The following RALGAPA2 variants were observed in gnomAD, a reference collection of about 807,000 sequenced individuals.
The protein encoded by RALGAPA2 is Ral GTPase activating protein catalytic subunit alpha 2, also known as ral GTPase-activating protein subunit alpha-2.
RALGAPA2 carries 139 observed loss-of-function variants against 230.4 expected under a neutral mutation model. The observed-to-expected ratio is 0.60, with a 90% CI of 0.53 to 0.69. RALGAPA2 has a LOEUF of 0.69. RALGAPA2 is among the 30% of genes least tolerant of loss of function. The pLI is 0.00. For synonymous variants in RALGAPA2, 847 were observed against 837.8 expected, an observed-to-expected ratio of 1.01 and a Z score of -0.19; for missense variants, 2,163 against 2,276.0, an observed-to-expected ratio of 0.95 and a Z score of 1.01.
At chr20:20,677,629 ATTTTTTTT>A (rs758379115) in intron 2 of RALGAPA2, among the ~76,000 whole-genome samples, 3 of 64,284 alleles carry the variant, frequency 4.7e-5, no homozygotes, top group African/African-American at 7.3e-5. Flanking sequence ...GATTTGACCC[ATTTTTTTT>A]TTTTTTTTTT....
At chr20:20,578,100 C>T (rs1410373069) in intron 20 of RALGAPA2, among the ~76,000 whole-genome samples, 1 of 152,146 alleles carries the variant, frequency 6.6e-6, no homozygotes, top group Non-Finnish European at 1.5e-5. Context: ...CAACATCCTC[C>T]ATAAAATTAT....
chr20:20,591,056 A>C (rs2065273945), intron 17 of RALGAPA2, 121 bp downstream of exon 17: 1 of 1,186,756 alleles, frequency 8.4e-7, no homozygotes, highest in South Asian at 2.1e-5. Flanking sequence ...AATCAAATTA[A>C]AAAGGTAATT....
intron 3 of RALGAPA2, 24 bp downstream of exon 3, chr20:20,676,212 C>A: frequency 4.2e-6 from 6 of 1,444,244 alleles, no homozygotes; most frequent in African/African-American, 1.4e-5. Flanking sequence ...ATTATAAAAG[C>A]TAAATAAACT....
intron 23 of RALGAPA2, among the ~76,000 whole-genome samples, chr20:20,555,817 T>C (rs2064067971): frequency 6.6e-6 from 1 of 152,240 alleles, no homozygotes; most frequent in African/African-American, 2.4e-5. Context: ...TGTGTATTTC[T>C]TGAGGTTTTC....
intron 16 of RALGAPA2, among the ~76,000 whole-genome samples, chr20:20,593,560 C>A (rs1384480386): frequency 6.6e-6 from 1 of 152,210 alleles, no homozygotes; most frequent in East Asian, 1.9e-4. Context: ...CTTCTGGGAA[C>A]AGTTTATATT....
At chr20:20,568,360 G>A (rs778108552) in intron 23 of RALGAPA2, among the ~76,000 whole-genome samples, 1 of 152,084 alleles carries the variant, frequency 6.6e-6, no homozygotes, top group Non-Finnish European at 1.5e-5. Context: ...AAGTTATTAG[G>A]ATAACCAAAA....
rs2060064822 is a variant in RALGAPA2 at position 20,411,763 on chromosome 20, A to G, written c.5617+264T>C. On this transcript the variant is annotated intron_variant, in intron 38 of 39. Coordinates refer to ENST00000202677, the MANE Select transcript of RALGAPA2 (RefSeq NM_020343.4). ...GCAAGAAACCCACACTCCTGAATGA[A>G]CCGGAGCACATTACTGAGAAAAAGT... Among the ~76,000 whole-genome samples, 3 of 152,240 alleles carry G rather than the reference A, an allele frequency of 2.0e-5. No homozygotes were observed. The South Asian group carries it at 6.2e-4, about 32-fold the overall frequency.
At chr20:20,456,954 C>G (rs1215467995) in intron 37 of RALGAPA2, among the ~76,000 whole-genome samples, 2 of 152,164 alleles carry the variant, frequency 1.3e-5, no homozygotes, top group African/African-American at 4.8e-5. Flanking sequence ...CTGGAACTTG[C>G]AACACCATGT....
At chr20:20,536,627 C>A (rs769616272) in intron 25 of RALGAPA2, 29 bp downstream of exon 25, 1 of 1,604,920 alleles carries the variant, frequency 6.2e-7, no homozygotes, top group South Asian at 1.1e-5. Flanking sequence ...AAGTACTAAA[C>A]TTGAGATACA....
intron 10 of RALGAPA2, among the ~76,000 whole-genome samples, chr20:20,624,962 AC>A (rs2066445603): frequency 6.6e-6 from 1 of 151,404 alleles, no homozygotes; most frequent in Non-Finnish European, 1.5e-5. Context: ...ACTTTTCCAT[AC>A]CTCCCCTTGT....
At chr20:20,526,813 A>T (rs1399049628) in intron 27 of RALGAPA2, among the ~76,000 whole-genome samples, 2 of 152,232 alleles carry the variant, frequency 1.3e-5, no homozygotes, top group Non-Finnish European at 2.9e-5. Context: ...AGAAACAGGG[A>T]TTGATCAAAT....
intron 23 of RALGAPA2, among the ~76,000 whole-genome samples, chr20:20,561,566 C>G (rs968943856): frequency 2.0e-5 from 3 of 152,132 alleles, no homozygotes; most frequent in Non-Finnish European, 4.4e-5. Flanking sequence ...TTTTTTTAGA[C>G]AGAGAATTTA....
intron 36 of RALGAPA2, among the ~76,000 whole-genome samples, chr20:20,478,875 A>G (rs1012285108): frequency 3.9e-5 from 6 of 152,148 alleles, no homozygotes; most frequent in African/African-American, 1.4e-4. Context: ...TGAAAAAAAA[A>G]AGTTCGTTCT....
chr20:20,606,443 A>G (rs1214710362), intron 14 of RALGAPA2, among the ~76,000 whole-genome samples: 1 of 152,198 alleles, frequency 6.6e-6, no homozygotes, highest in Non-Finnish European at 1.5e-5. Flanking sequence ...CAAAGAGCAT[A>G]ATAGTAAAAG....
At chr20:20,621,788 T>C (rs991979968) in intron 10 of RALGAPA2, among the ~76,000 whole-genome samples, 3 of 152,242 alleles carry the variant, frequency 2.0e-5, no homozygotes, top group African/African-American at 7.2e-5. Flanking sequence ...ACTATTTCTA[T>C]ATTTGAGGGG....
chr20:20,574,172 T>C (rs1265722480), intron 20 of RALGAPA2, among the ~76,000 whole-genome samples: 1 of 152,116 alleles, frequency 6.6e-6, no homozygotes, highest in Admixed American at 6.6e-5. Flanking sequence ...CTCACTGAGG[T>C]TTTCATTTGC....
At chr20:20,527,244 C>T (rs1048271023) in intron 27 of RALGAPA2, among the ~76,000 whole-genome samples, 4 of 152,166 alleles carry the variant, frequency 2.6e-5, no homozygotes, top group African/African-American at 9.7e-5. Flanking sequence ...GACAAATGTA[C>T]AGAATAAGGA....
chr20:20,704,296 G>A (rs142118635), intron 1 of RALGAPA2, among the ~76,000 whole-genome samples: 13 of 152,130 alleles, frequency 8.5e-5, no homozygotes, highest in East Asian at 3.9e-4. Context: ...ATTATCCCCC[G>A]TTTCTTCAGT....
At chr20:20,586,817 A>G (rs1018518658) in intron 18 of RALGAPA2, among the ~76,000 whole-genome samples, 1 of 152,234 alleles carries the variant, frequency 6.6e-6, no homozygotes, top group African/African-American at 2.4e-5. Flanking sequence ...AATAGAAAAT[A>G]TAAAAAACAT....
Sources: gnomAD v4.1 joint callset for allele counts (sites outside exome capture counted in the v4.1 genomes callset) on GRCh38, gnomAD v4.1.1 for gene constraint, MANE v1.5 for transcripts, NCBI Gene and HGNC (gene_info 2026-07-23, HGNC 2026-07-21) for gene names.